IL18BP: variants seen among roughly 807,000 people sequenced by gnomAD.
IL18BP encodes the protein interleukin 18 binding protein.
IL18BP carries 23 observed loss-of-function variants against 19.9 expected under a neutral mutation model. That is an observed-to-expected ratio of 1.15 (90% CI 0.83 to 1.64). IL18BP has a LOEUF of 1.64. Among genes scored for constraint, IL18BP ranks in the 40% most tolerant of loss-of-function variants. The pLI, the probability that IL18BP is intolerant of heterozygous loss-of-function variation, is 0.00. For synonymous variants in IL18BP, 107 were observed against 101.0 expected (o/e 1.06, Z -0.35); for missense variants, 239 against 240.7 (o/e 0.99, Z 0.05).
At chr11:72,004,716 T>G, downstream of IL18BP, 1 of 1,613,752 alleles carries the variant, frequency 6.2e-7, no homozygotes, top group Non-Finnish European at 8.5e-7. Flanking sequence ...GCCAGTGCCC[T>G]CGGCTATCTG....
At chr11:72,005,708 A>G, downstream of IL18BP, 3 of 496,230 alleles carry the variant, frequency 6.0e-6, no homozygotes, top group Non-Finnish European at 7.1e-6. Flanking sequence ...AAAGGACAAG[A>G]GCTTCCAAGA....
rs767975159 is a variant in IL18BP, at chr11:72,001,306, TGTGGGAGGGGAGCACCAGGTGAGG to T, written c.344_359+8del. ...TTCATTGAGCACCTCCCAGGCCGAC[TGTGGGAGGGGAGCACCAGGTGAGG>T]GTCGCAGCAGCCAGGTGGGTGGGAA... On this transcript the variant is annotated splice_donor_variant and splice_donor_5th_base_variant and coding_sequence_variant and intron_variant, in exon 4 of 6. Transcript: ENST00000393703. LOFTEE classifies it high-confidence loss of function. The T allele has an allele frequency of 6.2e-7, 1 of 1,614,148 alleles. No homozygotes were observed. Among genetic ancestry groups the T allele is most frequent in the South Asian group, 1.1e-5 (1 of 91,088 alleles).
At chr11:72,004,154 G>A (rs992973594), downstream of IL18BP, 13 of 1,609,332 alleles carry the variant, frequency 8.1e-6, no homozygotes, top group South Asian at 1.1e-5. Flanking sequence ...CCAGGCCAGC[G>A]TGCTGTGCCA....
chr11:72,000,282 A>G (rs1955141020), intron 2 of IL18BP, 69 bp from the exon 3 acceptor site: 2 of 1,368,652 alleles, frequency 1.5e-6, no homozygotes. Flanking sequence ...TCTGGGCTGG[A>G]GTTACATCCT....
At chr11:72,001,158 G>A in intron 3 of IL18BP, 43 bp from the exon 4 acceptor site, 1 of 1,611,746 alleles carries the variant, frequency 6.2e-7, no homozygotes, top group Non-Finnish European at 8.5e-7. Flanking sequence ...GGTAGGGGAA[G>A]GGCCTGCTCT....
chr11:72,005,917 C>T, downstream of IL18BP: 1 of 832,392 alleles, frequency 1.2e-6, no homozygotes, highest in Non-Finnish European at 1.9e-6. Flanking sequence ...GCAGGTGGAG[C>T]TGGATGGTAG....
At chr11:72,004,344 A>G (rs201073408), downstream of IL18BP, 3 of 1,610,816 alleles carry the variant, frequency 1.9e-6, no homozygotes, top group Admixed American at 3.4e-5. Context: ...TTCTTAGACT[A>G]TGGAGAAGAG....
At chr11:72,006,472 G>A (rs77660970), downstream of IL18BP, among the ~76,000 whole-genome samples, 5,401 of 152,266 alleles carry the variant, frequency 0.035, 92 homozygotes, top group East Asian at 0.078. Context: ...ACTCTTCTAC[G>A]CATTTTTTTC....
In IL18BP at chr11:72,001,186, T is replaced by C. The variant is rs1345199166; in HGVS notation, c.236-15T>C. 6.2e-7 allele frequency: 1 copy of C among 1,614,006 alleles called. No individual in the cohort carries two copies. The highest frequency in any genetic ancestry group is 2.2e-5 in the East Asian group (1 of 44,882). ...CCTGCTCTTCTGAAGAGCTAACTGC[T>C]GCCTGTGTCCCTAGATGGAACGCTG... On this transcript the variant is annotated splice_polypyrimidine_tract_variant and intron_variant, in intron 3 of 5. Transcript: ENST00000393703.
At chr11:72,003,330 C>G (rs1955388625), downstream of IL18BP, 1 of 618,898 alleles carries the variant, frequency 1.6e-6, no homozygotes, top group Non-Finnish European at 2.9e-6. Flanking sequence ...TGCTCCAGGC[C>G]CCCTGGGCCA....
At chr11:72,007,589 T>C (rs2134555897), downstream of IL18BP, 1 of 933,174 alleles carries the variant, frequency 1.1e-6, no homozygotes, top group Non-Finnish European at 1.6e-6. Context: ...AGGAAAGCAC[T>C]TGACCTGGGC....
At chr11:72,006,283 T>C, downstream of IL18BP, 1 of 1,608,034 alleles carries the variant, frequency 6.2e-7, no homozygotes. Context: ...AGAGTGAATC[T>C]GTTGCAGTGT....
rs532453750 is a variant in IL18BP at position 72,002,123 on chromosome 11, A to G, written c.*262A>G. On this transcript the variant is annotated 3_prime_UTR_variant, in exon 6 of 6. Coordinates refer to ENST00000393703, the MANE Select transcript of IL18BP (RefSeq NM_001039660.2). ...TAGCCTTCCTAACGTCCTACTCCTCACACTGCTCTACTGCTCAGAAACCAC... is the reference window on the plus strand; with the variant it reads ...TAGCCTTCCTAACGTCCTACTCCTCGCACTGCTCTACTGCTCAGAAACCAC... 1.2e-5 allele frequency: 7 copies of G among 566,756 alleles called. No homozygotes were observed. Among genetic ancestry groups the G allele is most frequent in the Admixed American group, 9.4e-5 (3 of 31,958 alleles). 35.1% of individuals were successfully genotyped at this position (566,756 alleles called of 1,614,324 possible). A position where few individuals can be genotyped will look rare whatever the true frequency, so the allele number is the denominator to read the frequency against.
downstream of IL18BP, chr11:72,004,789 C>A (rs1955566264): frequency 6.3e-7 from 1 of 1,589,944 alleles, no homozygotes; most frequent in Non-Finnish European, 8.6e-7. Context: ...ATCTCCTCAT[C>A]TGTGATGGTG....
Position 72,001,322 on chromosome 11 carries a change from C to G in IL18BP, c.357C>G (p.Thr119=), listed in dbSNP as rs1955215868. Residue 119 remains threonine, a splice_region_variant and synonymous_variant, in exon 4 of 6, where the codon ACC becomes ACG. Coordinates refer to ENST00000393703, the MANE Select transcript of IL18BP (RefSeq NM_001039660.2). ...CAGGCCGACTGTGGGAGGGGAGCAC[C>G]AGGTGAGGGTCGCAGCAGCCAGGTG... ...HLPGRLWEGS[T]SRERGSTGTQ... is the part of the protein sequence containing the mutation. 3.1e-6 allele frequency: 5 copies of G among 1,614,204 alleles called. No homozygotes were observed. The highest frequency in any genetic ancestry group is 1.6e-4 in the Middle Eastern group (1 of 6,062).
downstream of IL18BP, chr11:72,008,135 G>C (rs759826405): frequency 2.1e-6 from 1 of 479,230 alleles, no homozygotes; most frequent in African/African-American, 2.0e-5. Flanking sequence ...ATTGTCATGA[G>C]TGCTTTATGT....
Position 72,001,527 on chromosome 11 carries a change from G to T in IL18BP, c.482G>T (p.Arg161Leu), listed in dbSNP as rs200480287. ...VLVDPEQVVQ[R>L]HVVLAQLWAG... Reference sequence around the variant, plus strand: ...GTGGACCCTGAACAGGTTGTCCAGCGTCACGTCGTCCTGGCCCAGCTCTGG... The same window carrying T: ...GTGGACCCTGAACAGGTTGTCCAGCTTCACGTCGTCCTGGCCCAGCTCTGG... Residue 161 changes from arginine (R) to leucine (L), a missense_variant, in exon 5 of 6, where the codon CGT (arginine) becomes CTT (leucine). Arg to Leu is a moderately radical substitution (Grantham distance 102). Coordinates refer to ENST00000393703, the MANE Select transcript of IL18BP (RefSeq NM_001039660.2). 21 of 1,613,106 alleles carry T rather than the reference G, an allele frequency of 1.3e-5. No individual in the cohort carries two copies. The East Asian group carries it at 4.2e-4, about 33-fold the overall frequency.
At position 72,001,823 on chromosome 11, in the gene IL18BP, C is replaced by T; in HGVS notation, c.547C>T (p.Leu183=). ...AACCTTGCCCCCCACCCAAGAAGCCCTGCCCTCCAGCCACAGCAGTCCACA... is the reference window on the plus strand; with the variant it reads ...AACCTTGCCCCCCACCCAAGAAGCCTTGCCCTCCAGCCACAGCAGTCCACA... The part of the protein sequence containing the change: ...RATLPPTQEA[L]PSSHSSPQQQ... Residue 183 remains leucine, a synonymous_variant, in exon 6 of 6, where the codon CTG becomes TTG. Transcript: ENST00000393703. The T allele has an allele frequency of 6.2e-7, 1 of 1,614,002 alleles. No homozygotes were observed. Among genetic ancestry groups the T allele is most frequent in the Non-Finnish European group, 8.5e-7 (1 of 1,179,964 alleles).
At chr11:72,007,515 T>C, downstream of IL18BP, 1 of 1,536,392 alleles carries the variant, frequency 6.5e-7, no homozygotes, top group Non-Finnish European at 8.8e-7. Flanking sequence ...AGTGACCATT[T>C]CCCATCCTTA....
Sources: gnomAD v4.1 joint callset for allele counts (sites outside exome capture counted in the v4.1 genomes callset) on GRCh38, gnomAD v4.1.1 for gene constraint, MANE v1.5 for transcripts, NCBI Gene and HGNC (gene_info 2026-07-23, HGNC 2026-07-21) for gene names.